Variants in RAPGEF5 observed in about 807,000 individuals in gnomAD.
The protein encoded by RAPGEF5 is Rap guanine nucleotide exchange factor 5, also known as M-Ras-regulated GEF.
Under a neutral mutation model 125.2 loss-of-function variants are expected in RAPGEF5, and 65 were observed. The ratio of observed to expected loss-of-function variants is 0.52; its 90% CI spans 0.43 to 0.64. RAPGEF5 has a LOEUF of 0.64. Ranked by LOEUF, RAPGEF5 falls within the 30% of genes least tolerant of loss-of-function variation. The pLI, the probability that RAPGEF5 is intolerant of heterozygous loss-of-function variation, is 0.00. For synonymous variants in RAPGEF5, 391 were observed against 385.9 expected (o/e 1.01, Z -0.16); for missense variants, 958 against 1,048.1 (o/e 0.91, Z 1.19).
intron 6 of RAPGEF5, among the ~76,000 whole-genome samples, chr7:22,282,217 A>G (rs928450274): frequency 1.3e-5 from 2 of 151,996 alleles, no homozygotes; most frequent in Non-Finnish European, 2.9e-5. Flanking sequence ...ACAGCTATTC[A>G]CCTCTACATG....
At chr7:22,252,237 AC>A (rs1231727941) in intron 7 of RAPGEF5, among the ~76,000 whole-genome samples, 4 of 152,212 alleles carry the variant, frequency 2.6e-5, no homozygotes, top group African/African-American at 9.7e-5. Context: ...ACCACACAAG[AC>A]CAGACAGTAA....
chr7:22,193,629 A>C, intron 10 of RAPGEF5, 174 bp from the exon 11 acceptor site: 1 of 1,550,728 alleles, frequency 6.4e-7, no homozygotes, highest in Non-Finnish European at 8.7e-7. Context: ...TCTCCAAATG[A>C]GGGTCAAAGA....
rs1160316188 is a variant in RAPGEF5, at chr7:22,154,610, CAAGTG to C, written c.1637-11_1637-7del. 6.2e-7 allele frequency: 1 copy of C among 1,611,558 alleles called. No homozygotes were observed. Among genetic ancestry groups the C allele is most frequent in the Non-Finnish European group, 8.5e-7 (1 of 1,178,738 alleles). On this transcript the variant is annotated splice_polypyrimidine_tract_variant and splice_region_variant and intron_variant, in intron 16 of 25. Coordinates refer to ENST00000665637, the MANE Select transcript of RAPGEF5 (RefSeq NM_012294.5). ...TATATACACGTGGCAGAAAACTGCA[CAAGTG>C]AAAAGAATTGTTTGGAAACAGAGAA...
chr7:22,343,346 A>T (rs1784163319), intron 1 of RAPGEF5, among the ~76,000 whole-genome samples: 1 of 152,112 alleles, frequency 6.6e-6, no homozygotes, highest in Admixed American at 6.5e-5. Flanking sequence ...CAACCCAACT[A>T]CCCAGAAAGA....
intron 11 of RAPGEF5, among the ~76,000 whole-genome samples, chr7:22,184,001 C>G (rs988983309): frequency 3.9e-5 from 6 of 152,108 alleles, no homozygotes; most frequent in Non-Finnish European, 7.4e-5. Context: ...TTCCTAGAAC[C>G]CTATAATACT....
intron 1 of RAPGEF5, among the ~76,000 whole-genome samples, chr7:22,344,499 G>C (rs568364067): frequency 6.6e-6 from 1 of 152,104 alleles, no homozygotes; most frequent in East Asian, 1.9e-4. Context: ...CATTATAGGC[G>C]GTCACAGACA....
chr7:22,146,236 G>T (rs966937616), intron 19 of RAPGEF5, among the ~76,000 whole-genome samples: 22 of 152,220 alleles, frequency 1.4e-4, no homozygotes, highest in African/African-American at 5.1e-4. Flanking sequence ...TTCACTACAT[G>T]GCGAAGCAAA....
chr7:22,162,283 G>A lies in RAPGEF5; in HGVS notation c.1428+114C>T, dbSNP rs571148077. On this transcript the variant is annotated intron_variant, in intron 13 of 25. Transcript: ENST00000665637. ...TTAAATATTCTCTGAATCACAACTT[G>A]ACTATCACAAGAAAGCTGAATGACT... 12 of 1,098,142 alleles carry A rather than the reference G, an allele frequency of 1.1e-5. No individual in the cohort carries two copies. In the African/African-American group the frequency reaches 1.6e-4, roughly 14 times the overall value. 68.0% of individuals were successfully genotyped at this position (1,098,142 alleles called of 1,614,324 possible).
At chr7:22,282,479 T>C (rs1394221902) in intron 6 of RAPGEF5, among the ~76,000 whole-genome samples, 3 of 152,192 alleles carry the variant, frequency 2.0e-5, no homozygotes, top group Non-Finnish European at 4.4e-5. Context: ...ACCCAACCTG[T>C]TAAAATCTAT....
chr7:22,308,946 A>G (rs1473050852), intron 4 of RAPGEF5, among the ~76,000 whole-genome samples: 1 of 152,168 alleles, frequency 6.6e-6, no homozygotes, highest in African/African-American at 2.4e-5. Flanking sequence ...ACGTCTAGAC[A>G]TTTTTGGTTG....
At chr7:22,264,384 T>C (rs1035288723) in intron 7 of RAPGEF5, among the ~76,000 whole-genome samples, 1 of 152,214 alleles carries the variant, frequency 6.6e-6, no homozygotes, top group Non-Finnish European at 1.5e-5. Flanking sequence ...CCAAACTCCA[T>C]TGATCAAATA....
chr7:22,152,155 T>C (rs1783649542), intron 17 of RAPGEF5, among the ~76,000 whole-genome samples: 1 of 152,262 alleles, frequency 6.6e-6, no homozygotes, highest in Admixed American at 6.5e-5. Flanking sequence ...GTTTTGAACA[T>C]TTCTGTTTAA....
chr7:22,212,217 C>T lies in RAPGEF5; in HGVS notation c.996+7649G>A, dbSNP rs761657411. Reference sequence around the variant, plus strand: ...CTTAATCTCTTGACCTCGTAATCCACCCGCCTTGGCCTCCCAAAGTGCTGG... The same window carrying T: ...CTTAATCTCTTGACCTCGTAATCCATCCGCCTTGGCCTCCCAAAGTGCTGG... On this transcript the variant is annotated intron_variant, in intron 9 of 25. Transcript: ENST00000665637. Among the ~76,000 whole-genome samples the T allele has an allele frequency of 2.2e-4, 33 of 152,292 alleles. 1 individual carries two copies. Among genetic ancestry groups the T allele is most frequent in the Middle Eastern group, 3.4e-3 (1 of 294 alleles).
intron 9 of RAPGEF5, among the ~76,000 whole-genome samples, chr7:22,197,928 C>T (rs1276023579): frequency 1.4e-5 from 2 of 144,506 alleles, no homozygotes; most frequent in Non-Finnish European, 3.0e-5. Context: ...CTCACTCTGT[C>T]ACCCAGGCTG....
At chr7:22,220,330 A>C (rs1441842344) in intron 8 of RAPGEF5, 3 of 191,848 alleles carry the variant, frequency 1.6e-5, no homozygotes, top group African/African-American at 4.6e-5. Flanking sequence ...GCCTAGCAAG[A>C]GGTTAAAAAC....
chr7:22,257,249 C>T, intron 7 of RAPGEF5, among the ~76,000 whole-genome samples: 1 of 152,086 alleles, frequency 6.6e-6, no homozygotes, highest in East Asian at 1.9e-4. Flanking sequence ...TGTATATTAG[C>T]TTATTTTTCT....
At chr7:22,306,951 A>T (rs1342824978) in intron 5 of RAPGEF5, among the ~76,000 whole-genome samples, 2 of 152,152 alleles carry the variant, frequency 1.3e-5, no homozygotes, top group Non-Finnish European at 2.9e-5. Flanking sequence ...TTGGGTTACT[A>T]TAGCTCTGTA....
intron 1 of RAPGEF5, among the ~76,000 whole-genome samples, chr7:22,326,931 G>C (rs1447443005): frequency 6.6e-6 from 1 of 152,098 alleles, no homozygotes; most frequent in Non-Finnish European, 1.5e-5. Context: ...TAATGGATAG[G>C]TTCGTGGCAA....
intron 5 of RAPGEF5, among the ~76,000 whole-genome samples, chr7:22,296,860 TG>T (rs1038317812): frequency 3.9e-5 from 6 of 152,166 alleles, no homozygotes; most frequent in Non-Finnish European, 8.8e-5. Context: ...AGGGGCCAAG[TG>T]GAAAAACTGC....
Sources: gnomAD v4.1 joint callset for allele counts (sites outside exome capture counted in the v4.1 genomes callset) on GRCh38, gnomAD v4.1.1 for gene constraint, MANE v1.5 for transcripts, NCBI Gene and HGNC (gene_info 2026-07-23, HGNC 2026-07-21) for gene names.